The following HCN1 variants were observed in gnomAD, a reference collection of about 807,000 sequenced individuals.
HCN1 encodes the protein potassium/sodium hyperpolarization-activated cyclic nucleotide-gated channel 1.
HCN1 carries 13 observed loss-of-function variants against 78.9 expected under a neutral mutation model. The observed-to-expected ratio is 0.16, with a 90% CI of 0.11 to 0.26. The LOEUF is 0.26. HCN1 is among the 10% of genes least tolerant of loss of function. The pLI is 1.00. For synonymous variants in HCN1, 552 were observed against 455.5 expected, an observed-to-expected ratio of 1.21 and a Z score of -2.70; for missense variants, 810 against 1,154.3, an observed-to-expected ratio of 0.70 and a Z score of 4.32.
chr5:45,349,211 T>A (rs1178469152), intron 5 of HCN1, among the ~76,000 whole-genome samples: 1 of 152,158 alleles, frequency 6.6e-6, no homozygotes, highest in African/African-American at 2.4e-5. Flanking sequence ...AACTCAGGAT[T>A]AAGAAACTCA....
intron 1 of HCN1, among the ~76,000 whole-genome samples, chr5:45,693,092 A>G (rs1212505383): frequency 6.6e-6 from 1 of 152,202 alleles, no homozygotes; most frequent in South Asian, 2.1e-4. Context: ...AGGCTAGATC[A>G]TGACCGCAAA....
intron 1 of HCN1, among the ~76,000 whole-genome samples, chr5:45,655,238 A>G (rs527418089): frequency 6.6e-6 from 1 of 152,272 alleles, no homozygotes; most frequent in African/African-American, 2.4e-5. Flanking sequence ...TAAATGTTAA[A>G]TAAAGTATTA....
chr5:45,283,590 G>C (rs1320125297), intron 6 of HCN1, among the ~76,000 whole-genome samples: 1 of 152,026 alleles, frequency 6.6e-6, no homozygotes, highest in Non-Finnish European at 1.5e-5. Flanking sequence ...ACCATAATGA[G>C]ATACCATCTC....
At chr5:45,389,241 C>T (rs1240593940) in intron 4 of HCN1, among the ~76,000 whole-genome samples, 1 of 152,022 alleles carries the variant, frequency 6.6e-6, no homozygotes, top group Non-Finnish European at 1.5e-5. Flanking sequence ...CTTCTTCATA[C>T]CTCAGTTTTT....
chr5:45,500,507 G>A (rs532439045), intron 2 of HCN1, among the ~76,000 whole-genome samples: 1 of 152,290 alleles, frequency 6.6e-6, no homozygotes, highest in South Asian at 2.1e-4. Context: ...AAACATATGG[G>A]TAAAGGACTT....
chr5:45,291,667 A>G (rs1745379573), intron 6 of HCN1, among the ~76,000 whole-genome samples: 1 of 151,898 alleles, frequency 6.6e-6, no homozygotes, highest in South Asian at 2.1e-4. Flanking sequence ...AGGCCCCCCA[A>G]GTAGTTGTAT....
At chr5:45,347,691 C>A (rs1383589955) in intron 5 of HCN1, among the ~76,000 whole-genome samples, 2 of 152,062 alleles carry the variant, frequency 1.3e-5, no homozygotes, top group African/African-American at 2.4e-5. Context: ...GAGCTGAAAG[C>A]CAAGGCTCGA....
At chr5:45,331,727 G>T (rs1746348135) in intron 5 of HCN1, among the ~76,000 whole-genome samples, 1 of 151,284 alleles carries the variant, frequency 6.6e-6, no homozygotes, top group African/African-American at 2.4e-5. Flanking sequence ...TGCAATGACA[G>T]CAAAACCAAA....
At chr5:45,607,323 A>G (rs941629655) in intron 2 of HCN1, among the ~76,000 whole-genome samples, 1 of 151,720 alleles carries the variant, frequency 6.6e-6, no homozygotes, top group Non-Finnish European at 1.5e-5. Flanking sequence ...TGTGGTTCTT[A>G]TAGTCTTGAT....
At chr5:45,602,413 G>T (rs1332273074) in intron 2 of HCN1, among the ~76,000 whole-genome samples, 1 of 152,086 alleles carries the variant, frequency 6.6e-6, no homozygotes, top group Non-Finnish European at 1.5e-5. Flanking sequence ...CAGCGAGAAG[G>T]CTTCCATAAG....
intron 4 of HCN1, among the ~76,000 whole-genome samples, chr5:45,381,106 T>C (rs923762493): frequency 7.2e-5 from 11 of 152,152 alleles, no homozygotes; most frequent in Admixed American, 7.2e-4. Flanking sequence ...TGTAAGAATC[T>C]CAATAATAAT....
intron 1 of HCN1, among the ~76,000 whole-genome samples, chr5:45,688,230 C>T (rs972083393): frequency 1.3e-5 from 2 of 152,156 alleles, no homozygotes; most frequent in Non-Finnish European, 2.9e-5. Context: ...TTCAATCCAT[C>T]ACGTTTCCCA....
chr5:45,678,724 G>C (rs1043621660), intron 1 of HCN1, among the ~76,000 whole-genome samples: 3 of 151,926 alleles, frequency 2.0e-5, no homozygotes, highest in African/African-American at 7.2e-5. Context: ...ATTGGTTCTT[G>C]TAGTTTTCTG....
intron 5 of HCN1, among the ~76,000 whole-genome samples, chr5:45,336,086 G>A (rs1395812387): frequency 6.6e-6 from 1 of 151,960 alleles, no homozygotes; most frequent in Admixed American, 6.6e-5. Context: ...TCAGCAGCCA[G>A]GGGCAAATAA....
At chr5:45,375,002 C>A (rs1747573241) in intron 4 of HCN1, among the ~76,000 whole-genome samples, 1 of 135,918 alleles carries the variant, frequency 7.4e-6, no homozygotes, top group Non-Finnish European at 1.5e-5. Context: ...AACAGGATCA[C>A]CATTTGACTC....
At chr5:45,429,836 G>A (rs1261764522) in intron 3 of HCN1, among the ~76,000 whole-genome samples, 1 of 152,114 alleles carries the variant, frequency 6.6e-6, no homozygotes, top group Non-Finnish European at 1.5e-5. Context: ...CAGTGAGCCT[G>A]GAGATGAGAC....
At position 45,490,961 on chromosome 5, in the gene HCN1, A is replaced by G. The variant is rs764841991; in HGVS notation, c.850-28954T>C. 4.1e-4 allele frequency among the ~76,000 whole-genome samples: 63 copies of G among 152,186 alleles called. 1 individual carries two copies. Among genetic ancestry groups the G allele is most frequent in the Admixed American group, 1.0e-3 (16 of 15,272 alleles). On this transcript the variant is annotated intron_variant, in intron 2 of 7. Coordinates refer to ENST00000303230, the MANE Select transcript of HCN1 (RefSeq NM_021072.4). The stretch of plus-strand genomic sequence containing the variant: ...GCAGGAGCATGTTCAAGGCTCTTCC[A>G]TCTTAAACCAAAAACTTTCCCTCAA...
At chr5:45,671,789 T>C (rs879351613) in intron 1 of HCN1, among the ~76,000 whole-genome samples, 3 of 151,632 alleles carry the variant, frequency 2.0e-5, no homozygotes, top group African/African-American at 4.8e-5. Context: ...GACATGGTTC[T>C]GTTCTAAGTT....
chr5:45,627,574 C>T (rs1462788696), intron 2 of HCN1, among the ~76,000 whole-genome samples: 1 of 152,126 alleles, frequency 6.6e-6, no homozygotes, highest in Non-Finnish European at 1.5e-5. Flanking sequence ...CCTGAAATAA[C>T]AGTAGATGGC....
Sources: gnomAD v4.1 joint callset for allele counts (sites outside exome capture counted in the v4.1 genomes callset) on GRCh38, gnomAD v4.1.1 for gene constraint, MANE v1.5 for transcripts, NCBI Gene and HGNC (gene_info 2026-07-23, HGNC 2026-07-21) for gene names.